The following NOX4 variants were observed in gnomAD, a reference collection of about 807,000 sequenced individuals.
The protein encoded by NOX4 is NADPH oxidase 4.
NOX4 carries 69 observed loss-of-function variants against 87.6 expected under a neutral mutation model. The ratio of observed to expected loss-of-function variants is 0.79; its 90% confidence interval spans 0.65 to 0.96. The LOEUF (loss-of-function observed/expected upper bound fraction) is 0.96, where lower values mean the gene tolerates loss of function less well. Ranked by LOEUF, NOX4 falls within the 40% of genes least tolerant of loss-of-function variation. The pLI is 0.00. For missense variants in NOX4, 680 were observed against 681.5 expected (o/e 1.00, Z 0.02); for synonymous variants, 275 against 238.2 (o/e 1.15, Z -1.42).
chr11:89,489,121 C>T, intron 2 of NOX4: 2 of 583,640 alleles, frequency 3.4e-6, no homozygotes, highest in Admixed American at 6.1e-5. Flanking sequence ...TATGATATTA[C>T]TTTGTTGTAT....
chr11:89,522,475 T>A, the NOX4 span, among the ~76,000 whole-genome samples: 1 of 152,082 alleles, frequency 6.6e-6, no homozygotes, highest in Admixed American at 6.6e-5. Flanking sequence ...TGAACATAAA[T>A]GGTAGCAGTA....
At chr11:89,393,865 T>A (rs1442316009) in intron 11 of NOX4, among the ~76,000 whole-genome samples, 4 of 152,160 alleles carry the variant, frequency 2.6e-5, no homozygotes, top group Admixed American at 2.6e-4. Context: ...TTGCCCTTTG[T>A]CTGAATAGTT....
At chr11:89,366,841 T>C (rs1484307978) in intron 12 of NOX4, among the ~76,000 whole-genome samples, 3 of 152,160 alleles carry the variant, frequency 2.0e-5, no homozygotes, top group African/African-American at 4.8e-5. Flanking sequence ...AAGCAATTTT[T>C]ATATTTCTGT....
At chr11:89,345,257 G>A (rs981520635) in intron 13 of NOX4, among the ~76,000 whole-genome samples, 2 of 152,190 alleles carry the variant, frequency 1.3e-5, no homozygotes, top group African/African-American at 4.8e-5. Context: ...TGATGTTGCT[G>A]ATAGAGCAGG....
the NOX4 span, among the ~76,000 whole-genome samples, chr11:89,565,762 T>G: frequency 1.2e-4 from 19 of 152,184 alleles, no homozygotes; most frequent in African/African-American, 4.3e-4. Context: ...ATTCCTACTT[T>G]GCTAAATACT....
At chr11:89,523,345 C>T in the NOX4 span, among the ~76,000 whole-genome samples, 1 of 152,030 alleles carries the variant, frequency 6.6e-6, no homozygotes, top group Admixed American at 6.6e-5. Flanking sequence ...CTCTTAATAG[C>T]AGGTATACTG....
rs1340190549 is a variant in NOX4, at chr11:89,413,593, G to A, written c.629+8309C>T. ...AGGCACAGAAAGACAAATTTCACAC[G>A]TTCTCACTTATTTGTGGGAGCTAAA... On this transcript the variant is annotated intron_variant, in intron 8 of 17. Transcript: ENST00000263317. Among the ~76,000 whole-genome samples, 5 of 152,218 alleles carry A rather than the reference G, an allele frequency of 3.3e-5. No homozygotes were observed. The South Asian group carries it at 8.3e-4, about 25-fold the overall frequency.
intron 1 of NOX4, among the ~76,000 whole-genome samples, chr11:89,497,607 C>T (rs922081669): frequency 6.6e-5 from 10 of 152,262 alleles, no homozygotes; most frequent in Middle Eastern, 3.4e-3. Context: ...CATGCTACTG[C>T]GTCTTTGCAC....
At chr11:89,399,588 C>T in intron 11 of NOX4, among the ~76,000 whole-genome samples, 1 of 149,918 alleles carries the variant, frequency 6.7e-6, no homozygotes. Flanking sequence ...CTCAGCCTTC[C>T]TAGTAGCTGG....
Position 89,330,216 on chromosome 11 carries a change from G to T in NOX4, c.1617-3340C>A, listed in dbSNP as rs118170467. Among the ~76,000 whole-genome samples the T allele has an allele frequency of 8.4e-3, 1,277 of 152,124 alleles. 12 individuals carry two copies. Among genetic ancestry groups the T allele is most frequent in the Middle Eastern group, 0.027 (8 of 294 alleles). ...TTTTAAAAATTAGCTAAGCATGGTG[G>T]TATGCAACTGTAGTTCCAGCTACTC... On this transcript the variant is annotated intron_variant, in intron 17 of 17. Transcript: ENST00000263317.
the NOX4 span, among the ~76,000 whole-genome samples, chr11:89,521,892 A>G: frequency 1.1e-4 from 17 of 152,174 alleles, no homozygotes; most frequent in Non-Finnish European, 2.1e-4. Flanking sequence ...GGCACTTCTC[A>G]AAAGAAGACA....
chr11:89,548,823 A>G, the NOX4 span: 1 of 152,166 alleles, frequency 6.6e-6, no homozygotes, highest in African/African-American at 2.4e-5. Flanking sequence ...CTTTCTTTGC[A>G]CCACAGACTG....
At chr11:89,375,165 A>G (rs1939743357) in intron 11 of NOX4, among the ~76,000 whole-genome samples, 1 of 152,246 alleles carries the variant, frequency 6.6e-6, no homozygotes, top group Non-Finnish European at 1.5e-5. Context: ...TGTTTCTTAT[A>G]GGATTTTTAC....
chr11:89,530,430 C>T, the NOX4 span, among the ~76,000 whole-genome samples: 1 of 151,250 alleles, frequency 6.6e-6, no homozygotes, highest in Admixed American at 6.6e-5. Context: ...GCAACCTCCA[C>T]CTCCTGGATT....
intron 8 of NOX4, among the ~76,000 whole-genome samples, chr11:89,405,752 G>GAA (rs1323315711): frequency 7.3e-5 from 5 of 68,344 alleles, no homozygotes; most frequent in Non-Finnish European, 1.0e-4. Context: ...GGTTAAAAAA[G>GAA]AAAAAAAAAA....
intron 2 of NOX4, among the ~76,000 whole-genome samples, chr11:89,460,512 CT>C (rs1172038759): frequency 6.6e-6 from 1 of 152,156 alleles, no homozygotes; most frequent in Non-Finnish European, 1.5e-5. Context: ...TGAACAGACA[CT>C]TCTCAAAAGA....
At chr11:89,331,446 C>A (rs1299141529) in intron 17 of NOX4, among the ~76,000 whole-genome samples, 1 of 151,138 alleles carries the variant, frequency 6.6e-6, no homozygotes, top group Admixed American at 6.6e-5. Context: ...CTAATTAAAC[C>A]CAAAGTGAGC....
At chr11:89,368,019 C>T (rs544254905) in intron 12 of NOX4, among the ~76,000 whole-genome samples, 5 of 152,156 alleles carry the variant, frequency 3.3e-5, no homozygotes, top group Admixed American at 2.6e-4. Context: ...TGTACATCTT[C>T]CATTTGCTCC....
the NOX4 span, among the ~76,000 whole-genome samples, chr11:89,558,765 T>C: frequency 6.6e-6 from 1 of 152,096 alleles, no homozygotes; most frequent in Admixed American, 6.6e-5. Context: ...CTTTCTTCAA[T>C]TGTCAGATTC....
Sources: allele counts gnomAD v4.1 joint callset (sites outside exome capture counted in the v4.1 genomes callset), GRCh38; gene constraint gnomAD v4.1.1; transcripts MANE v1.5; gene names NCBI Gene and HGNC (gene_info 2026-07-23, HGNC 2026-07-21).